Variants in ZBTB20 observed in about 807,000 individuals in gnomAD.
ZBTB20 encodes zinc finger and BTB domain containing 20.
ZBTB20 carries 9 observed loss-of-function variants against 56.9 expected under a neutral mutation model. The observed-to-expected ratio is 0.16, with a 90% CI of 0.10 to 0.28. The LOEUF (loss-of-function observed/expected upper bound fraction) is 0.28, where lower values mean the gene tolerates loss of function less well. Among genes scored for constraint, ZBTB20 ranks in the 10% least tolerant of loss-of-function variants. ZBTB20 has a pLI of 1.00. For missense variants in ZBTB20, 655 were observed against 1,003.0 expected (o/e 0.65, Z 4.69); for synonymous variants, 417 against 420.7 (o/e 0.99, Z 0.11).
chr3:114,414,334 A>C (rs1000628487), intron 7 of ZBTB20, among the ~76,000 whole-genome samples: 2 of 152,156 alleles, frequency 1.3e-5, no homozygotes, highest in Non-Finnish European at 2.9e-5. Context: ...GTTGAATGGG[A>C]TATCAAAATG....
chr3:114,426,614 T>C (rs2089696673), intron 7 of ZBTB20, among the ~76,000 whole-genome samples: 2 of 152,180 alleles, frequency 1.3e-5, no homozygotes, highest in Admixed American at 1.3e-4. Flanking sequence ...ATACACCCTC[T>C]CCATCTCTGA....
chr3:114,810,484 G>A (rs2072439565), intron 4 of ZBTB20, among the ~76,000 whole-genome samples: 1 of 152,150 alleles, frequency 6.6e-6, no homozygotes, highest in Non-Finnish European at 1.5e-5. Context: ...CAGTGAAGTT[G>A]TGGGTTTTCA....
chr3:114,593,387 T>TTC (rs2055986027), intron 6 of ZBTB20, among the ~76,000 whole-genome samples: 3 of 143,978 alleles, frequency 2.1e-5, no homozygotes, highest in South Asian at 2.1e-4. Flanking sequence ...TTCTTTTCTT[T>TTC]TTTTTTTTTT....
intron 5 of ZBTB20, among the ~76,000 whole-genome samples, chr3:114,704,115 TGAAA>T (rs2063567094): frequency 6.6e-6 from 1 of 152,136 alleles, no homozygotes; most frequent in South Asian, 2.1e-4. Flanking sequence ...TCCTCAAAGT[TGAAA>T]GAAAGGTTAT....
chr3:114,496,029 T>C (rs1577091637), intron 7 of ZBTB20, among the ~76,000 whole-genome samples: 1 of 152,164 alleles, frequency 6.6e-6, no homozygotes, highest in African/African-American at 2.4e-5. Flanking sequence ...TTTTTTTTTT[T>C]CCTATCCTCT....
At chr3:114,344,974 G>C (rs2080073306) in intron 11 of ZBTB20, among the ~76,000 whole-genome samples, 2 of 112,300 alleles carry the variant, frequency 1.8e-5, no homozygotes, top group South Asian at 3.2e-4. Flanking sequence ...TTTATCTCTT[G>C]TGGGTAAAAA....
At chr3:114,675,767 C>A (rs1380039975) in intron 6 of ZBTB20, among the ~76,000 whole-genome samples, 1 of 152,106 alleles carries the variant, frequency 6.6e-6, no homozygotes, top group African/African-American at 2.4e-5. Flanking sequence ...ATGATCCACA[C>A]CTTTCACATA....
At chr3:114,486,463 G>A (rs940168157) in intron 7 of ZBTB20, among the ~76,000 whole-genome samples, 2 of 152,254 alleles carry the variant, frequency 1.3e-5, no homozygotes, top group African/African-American at 4.8e-5. Flanking sequence ...TTACTGAAAG[G>A]TACTGTTATA....
chr3:115,035,756 T>C (rs1198810931), intron 2 of ZBTB20, among the ~76,000 whole-genome samples: 1 of 152,176 alleles, frequency 6.6e-6, no homozygotes, highest in Non-Finnish European at 1.5e-5. Context: ...TATTTGTTAA[T>C]ATGTTCATAG....
At position 114,733,126 on chromosome 3, in the gene ZBTB20, A is replaced by G. The variant is rs2065879398; in HGVS notation, c.-342-39551T>C. 2.6e-5 allele frequency among the ~76,000 whole-genome samples: 4 copies of G among 152,182 alleles called. No individual in the cohort carries two copies. In the South Asian group the frequency reaches 8.3e-4, roughly 32 times the overall value. On this transcript the variant is annotated intron_variant, in intron 5 of 11. Transcript: ENST00000675478. ...TTTTATTGGTTTAATGTAAACACAT[A>G]TATTATAAAAATGATTTTTCCACAT...
chr3:114,646,955 AT>A (rs1251318790), intron 6 of ZBTB20, among the ~76,000 whole-genome samples: 3 of 151,850 alleles, frequency 2.0e-5, no homozygotes, highest in African/African-American at 7.2e-5. Context: ...ATTTTATTTT[AT>A]TTTATTTATT....
intron 7 of ZBTB20, among the ~76,000 whole-genome samples, chr3:114,450,937 T>G (rs968064533): frequency 6.6e-6 from 1 of 152,134 alleles, no homozygotes; most frequent in Non-Finnish European, 1.5e-5. Flanking sequence ...AAAGTATGAA[T>G]TGCAGTAGAA....
intron 3 of ZBTB20, among the ~76,000 whole-genome samples, chr3:114,917,284 T>C (rs568023939): frequency 5.2e-4 from 79 of 152,344 alleles, no homozygotes; most frequent in African/African-American, 1.8e-3. Flanking sequence ...CTCTATGCTA[T>C]CTTGAATTTT....
At chr3:115,026,724 C>T (rs934510972) in intron 2 of ZBTB20, among the ~76,000 whole-genome samples, 3 of 150,804 alleles carry the variant, frequency 2.0e-5, no homozygotes, top group African/African-American at 7.3e-5. Flanking sequence ...TACCTTGACT[C>T]TGTGCCTCTT....
intron 3 of ZBTB20, among the ~76,000 whole-genome samples, chr3:114,909,087 A>C (rs577509425): frequency 6.6e-6 from 1 of 152,024 alleles, no homozygotes; most frequent in Non-Finnish European, 1.5e-5. Flanking sequence ...TAGGTCCTTC[A>C]GGGAATATTT....
At chr3:114,966,490 TTAA>T (rs1408556450) in intron 3 of ZBTB20, among the ~76,000 whole-genome samples, 1 of 152,154 alleles carries the variant, frequency 6.6e-6, no homozygotes, top group Non-Finnish European at 1.5e-5. Flanking sequence ...CATCAATTTA[TTAA>T]TAATATCTCC....
At chr3:115,074,030 C>A (rs535519466) in intron 1 of ZBTB20, among the ~76,000 whole-genome samples, 1 of 152,116 alleles carries the variant, frequency 6.6e-6, no homozygotes, top group African/African-American at 2.4e-5. Context: ...CCCATCCAAT[C>A]AATCACTAGA....
At chr3:114,523,528 TAAAAC>T (rs1256005163) in intron 6 of ZBTB20, among the ~76,000 whole-genome samples, 1 of 152,172 alleles carries the variant, frequency 6.6e-6, no homozygotes, top group Non-Finnish European at 1.5e-5. Context: ...GAAAATTTGA[TAAAAC>T]AGAAGAAAGA....
intron 3 of ZBTB20, among the ~76,000 whole-genome samples, chr3:114,930,270 C>G (rs1324702513): frequency 6.6e-6 from 1 of 151,994 alleles, no homozygotes; most frequent in African/African-American, 2.4e-5. Flanking sequence ...CAAGCTACAA[C>G]AGCAGAAAGA....
Sources: gnomAD v4.1 joint callset for allele counts (sites outside exome capture counted in the v4.1 genomes callset) on GRCh38, gnomAD v4.1.1 for gene constraint, MANE v1.5 for transcripts, NCBI Gene and HGNC (gene_info 2026-07-23, HGNC 2026-07-21) for gene names.